The following ITGA9 variants were observed in gnomAD, a reference collection of about 807,000 sequenced individuals.
ITGA9 encodes the protein integrin alpha-9.
ITGA9 carries 56 observed loss-of-function variants against 127.8 expected under a neutral mutation model. That is an observed-to-expected ratio of 0.44 (90% CI 0.35 to 0.55). The LOEUF is 0.55. Ranked by LOEUF, ITGA9 falls within the 20% of genes least tolerant of loss-of-function variation. The probability of loss-of-function intolerance (pLI) is 0.00; values close to 1 mark genes in which losing one functional copy is unlikely to be tolerated. For missense variants in ITGA9, 1,196 were observed against 1,347.1 expected (o/e 0.89, Z 1.76); for synonymous variants, 508 against 514.5 (o/e 0.99, Z 0.17).
At chr3:37,784,060 G>C (rs368011505) in intron 25 of ITGA9, among the ~76,000 whole-genome samples, 14 of 152,202 alleles carry the variant, frequency 9.2e-5, no homozygotes, top group East Asian at 3.8e-4. Flanking sequence ...GTAGATGTAG[G>C]TGGGGACACC....
At chr3:37,714,313 G>T (rs543966335) in intron 18 of ITGA9, among the ~76,000 whole-genome samples, 1 of 152,292 alleles carries the variant, frequency 6.6e-6, no homozygotes, top group Non-Finnish European at 1.5e-5. Context: ...TTCCTTTTCA[G>T]CACTTCCTCA....
Position 37,595,117 on chromosome 3 carries a change from G to T in ITGA9, c.1690-34070G>T, listed in dbSNP as rs548747354. ...TTTGTTTTTGTTTTTGTTTTTTTTTGACTTTGAGACAGGATCTCACTCTGA... is the reference window on the plus strand; with the variant it reads ...TTTGTTTTTGTTTTTGTTTTTTTTTTACTTTGAGACAGGATCTCACTCTGA... On this transcript the variant is annotated intron_variant, in intron 15 of 27. Coordinates refer to ENST00000264741, the MANE Select transcript of ITGA9 (RefSeq NM_002207.3). 1.1e-4 allele frequency among the ~76,000 whole-genome samples: 16 copies of T among 148,384 alleles called. No individual in the cohort carries two copies. The South Asian group carries it at 1.3e-3, about 12-fold the overall frequency.
rs74354754 is a variant in ITGA9 at position 37,565,954 on chromosome 3, A to G, written c.1689+23369A>G. On this transcript the variant is annotated intron_variant, in intron 15 of 27. Coordinates refer to ENST00000264741, the MANE Select transcript of ITGA9 (RefSeq NM_002207.3). ...TTTAGTATGATAGTTCTTATAGATG[A>G]TAAAGACCTCAGAAAAATCTCACTA... 8.0e-3 allele frequency among the ~76,000 whole-genome samples: 1,223 copies of G among 152,312 alleles called. 18 individuals carry two copies. The highest frequency in any genetic ancestry group is 0.026 in the African/African-American group (1,101 of 41,566).
intron 18 of ITGA9, among the ~76,000 whole-genome samples, chr3:37,730,583 C>G (rs1696276404): frequency 6.6e-6 from 1 of 152,202 alleles, no homozygotes; most frequent in Non-Finnish European, 1.5e-5. Context: ...GAGGTCCCCA[C>G]CTCTTCTGAA....
intron 1 of ITGA9, among the ~76,000 whole-genome samples, chr3:37,456,549 G>A (rs1275509495): frequency 6.6e-6 from 1 of 152,082 alleles, no homozygotes; most frequent in Non-Finnish European, 1.5e-5. Context: ...CTCCTTCTCT[G>A]CCCCAGACGC....
chr3:37,471,729 G>C (rs1369888142), intron 2 of ITGA9, among the ~76,000 whole-genome samples: 2 of 152,184 alleles, frequency 1.3e-5, no homozygotes, highest in Non-Finnish European at 2.9e-5. Flanking sequence ...ATTTTAACTA[G>C]GGAAAGATAT....
rs921300737 is a variant in ITGA9, at chr3:37,821,150, C to T, written c.*2161C>T. The T allele has an allele frequency of 1.3e-5, 2 of 152,120 alleles. No individual in the cohort carries two copies. The highest frequency in any genetic ancestry group is 2.9e-5 in the Non-Finnish European group (2 of 68,050). 9.4% of individuals were successfully genotyped at this position (152,120 alleles called of 1,614,324 possible). ...AAAAATCAAGGGTCAATGGCATGAACTAAGCTGATCCTGGAAATCAGGGAT... is the reference window on the plus strand; with the variant it reads ...AAAAATCAAGGGTCAATGGCATGAATTAAGCTGATCCTGGAAATCAGGGAT... On this transcript the variant is annotated 3_prime_UTR_variant, in exon 28 of 28. Transcript: ENST00000264741.
At chr3:37,681,696 C>G (rs902502332) in intron 17 of ITGA9, among the ~76,000 whole-genome samples, 32 of 152,098 alleles carry the variant, frequency 2.1e-4, no homozygotes, top group African/African-American at 7.2e-4. Context: ...TTATTTTGTT[C>G]AAAGGTCGCA....
chr3:37,814,912 A>G lies in ITGA9; in HGVS notation c.3010-3979A>G, dbSNP rs140210219. Among the ~76,000 whole-genome samples the G allele has an allele frequency of 3.5e-3, 533 of 152,320 alleles. 4 individuals carry two copies. Among genetic ancestry groups the G allele is most frequent in the African/African-American group, 0.012 (503 of 41,566 alleles). On this transcript the variant is annotated intron_variant, in intron 27 of 27. Coordinates refer to ENST00000264741, the MANE Select transcript of ITGA9 (RefSeq NM_002207.3). The surrounding 1 kb of genome is among the most constrained non-coding windows in gnomAD (Gnocchi z 4.3). ...TGGTCTTCAGACTCTAAAAAAAGGA[A>G]GACATACATCAGTGGTAGCTCTGAT...
chr3:37,656,373 C>G (rs1417917605), intron 17 of ITGA9, among the ~76,000 whole-genome samples: 1 of 152,092 alleles, frequency 6.6e-6, no homozygotes, highest in African/African-American at 2.4e-5. Flanking sequence ...TTTCCTTGAG[C>G]AGTGGTTTGT....
chr3:37,693,797 T>C (rs899212784), intron 18 of ITGA9, among the ~76,000 whole-genome samples: 1 of 152,196 alleles, frequency 6.6e-6, no homozygotes, highest in Non-Finnish European at 1.5e-5. Flanking sequence ...CATCCCTCAG[T>C]GCTGGGACAG....
chr3:37,522,629 G>A (rs1699055307), intron 11 of ITGA9, among the ~76,000 whole-genome samples: 1 of 151,960 alleles, frequency 6.6e-6, no homozygotes, highest in African/African-American at 2.4e-5. Flanking sequence ...AGGCTAAGGC[G>A]GGAGGATCAC....
chr3:37,563,600 C>T (rs1339459177), intron 15 of ITGA9, among the ~76,000 whole-genome samples: 1 of 152,236 alleles, frequency 6.6e-6, no homozygotes, highest in Non-Finnish European at 1.5e-5. Context: ...CCTGTCACTA[C>T]CATGCTGCAG....
chr3:37,562,308 AT>A (rs917564485), intron 15 of ITGA9, among the ~76,000 whole-genome samples: 3 of 152,110 alleles, frequency 2.0e-5, no homozygotes, highest in African/African-American at 7.2e-5. Flanking sequence ...GTCTGTCCCC[AT>A]CCCCACTGCC....
intron 17 of ITGA9, among the ~76,000 whole-genome samples, chr3:37,663,889 TATTA>T (rs1008415707): frequency 4.9e-4 from 75 of 152,256 alleles, no homozygotes; most frequent in African/African-American, 1.7e-3. Flanking sequence ...TTATTTTGCA[TATTA>T]ATTAATTAAT....
intron 3 of ITGA9, among the ~76,000 whole-genome samples, chr3:37,476,295 G>T (rs1043298246): frequency 6.6e-6 from 1 of 151,452 alleles, no homozygotes; most frequent in Non-Finnish European, 1.5e-5. Flanking sequence ...AGCATTTTAA[G>T]TTCTCACCAA....
At chr3:37,673,921 A>G (rs1324678290) in intron 17 of ITGA9, among the ~76,000 whole-genome samples, 2 of 152,222 alleles carry the variant, frequency 1.3e-5, no homozygotes, top group African/African-American at 4.8e-5. Context: ...TGATCTCATA[A>G]TACATATTCA....
rs530153165 is a variant in ITGA9 at position 37,549,577 on chromosome 3, A to G, written c.1689+6992A>G. Among the ~76,000 whole-genome samples the G allele has an allele frequency of 3.3e-5, 5 of 152,336 alleles. No individual in the cohort carries two copies. The East Asian group carries it at 5.8e-4, about 18-fold the overall frequency. ...AATATATACTGTTGATGCCCTTTTAACACTGGTATTCTTTGAAGTCACACA... is the reference window on the plus strand; with the variant it reads ...AATATATACTGTTGATGCCCTTTTAGCACTGGTATTCTTTGAAGTCACACA... On this transcript the variant is annotated intron_variant, in intron 15 of 27. Transcript: ENST00000264741.
intron 18 of ITGA9, among the ~76,000 whole-genome samples, chr3:37,687,189 C>A (rs1257843787): frequency 6.6e-6 from 1 of 152,022 alleles, no homozygotes; most frequent in Non-Finnish European, 1.5e-5. Flanking sequence ...ATGGAATGGA[C>A]TGGGAGGCAA....
Sources: gnomAD v4.1 joint callset for allele counts (sites outside exome capture counted in the v4.1 genomes callset) on GRCh38, gnomAD v4.1.1 for gene constraint, Gnocchi (gnomAD v3.1) non-coding constraint, MANE v1.5 for transcripts, NCBI Gene and HGNC (gene_info 2026-07-23, HGNC 2026-07-21) for gene names.